RUNX2: variants seen among roughly 807,000 people sequenced by gnomAD.
RUNX2 encodes the protein RUNX family transcription factor 2.
Under a neutral mutation model 51.7 loss-of-function variants are expected in RUNX2, and 10 were observed. The observed-to-expected ratio is 0.19, with a 90% confidence interval of 0.12 to 0.33. The LOEUF (loss-of-function observed/expected upper bound fraction) is 0.33. Ranked by LOEUF, RUNX2 falls within the 10% of genes least tolerant of loss-of-function variation. The probability of loss-of-function intolerance (pLI) is 1.00; values close to 1 mark genes in which losing one functional copy is unlikely to be tolerated. For missense variants in RUNX2, 562 were observed against 691.3 expected, an observed-to-expected ratio of 0.81 and a Z score of 2.10; for synonymous variants, 276 against 273.6, an observed-to-expected ratio of 1.01 and a Z score of -0.09.
intron 2 of RUNX2, among the ~76,000 whole-genome samples, chr6:45,347,296 T>C (rs1182866987): frequency 1.3e-5 from 2 of 152,216 alleles, no homozygotes; most frequent in African/African-American, 4.8e-5. Flanking sequence ...ATTTCACTGA[T>C]ATATATATGA....
chr6:45,504,779 A>G (rs1800908752), intron 6 of RUNX2, among the ~76,000 whole-genome samples: 1 of 152,320 alleles, frequency 6.6e-6, no homozygotes, highest in Admixed American at 6.5e-5. Flanking sequence ...CCCTGGTAGC[A>G]ATTAAGAGGC....
chr6:45,445,561 T>C (rs1405776912), intron 5 of RUNX2, among the ~76,000 whole-genome samples: 2 of 152,152 alleles, frequency 1.3e-5, no homozygotes, highest in African/African-American at 4.8e-5. Context: ...AAAGCATTAG[T>C]AGAGAAGCCC....
chr6:45,366,319 A>G (rs1300780341), intron 2 of RUNX2, among the ~76,000 whole-genome samples: 1 of 152,150 alleles, frequency 6.6e-6, no homozygotes, highest in Non-Finnish European at 1.5e-5. Context: ...CTCCTTTGCT[A>G]AGACTTTGGG....
chr6:45,398,207 G>A (rs1428471167), intron 2 of RUNX2, among the ~76,000 whole-genome samples: 1 of 152,144 alleles, frequency 6.6e-6, no homozygotes, highest in Non-Finnish European at 1.5e-5. Context: ...TAGGCCCCGG[G>A]TTCCTCACCT....
At chr6:45,424,091 G>C (rs558566511) in intron 3 of RUNX2, among the ~76,000 whole-genome samples, 1 of 152,380 alleles carries the variant, frequency 6.6e-6, no homozygotes, top group East Asian at 1.9e-4. Flanking sequence ...GAGTGAGCTC[G>C]AAGGCTTGAG....
chr6:45,510,133 C>T (rs1801098175), intron 6 of RUNX2, among the ~76,000 whole-genome samples: 1 of 152,138 alleles, frequency 6.6e-6, no homozygotes, highest in African/African-American at 2.4e-5. Context: ...ATGTCAATAT[C>T]AGATATATAA....
At chr6:45,337,535 T>C (rs1788832913) in intron 2 of RUNX2, among the ~76,000 whole-genome samples, 1 of 151,850 alleles carries the variant, frequency 6.6e-6, no homozygotes, top group Admixed American at 6.6e-5. Context: ...TAAGTTCTTT[T>C]GCTACGCCAT....
At chr6:45,539,618 T>C (rs1802154355) in intron 7 of RUNX2, among the ~76,000 whole-genome samples, 1 of 152,216 alleles carries the variant, frequency 6.6e-6, no homozygotes, top group South Asian at 2.1e-4. Context: ...CCTTAGAACC[T>C]CAGTGTGGAA....
At chr6:45,544,553 A>G (rs1802330749) in intron 7 of RUNX2, among the ~76,000 whole-genome samples, 1 of 152,226 alleles carries the variant, frequency 6.6e-6, no homozygotes, top group Admixed American at 6.5e-5. Flanking sequence ...TAACATGTCT[A>G]TCTGTGTGAA....
At chr6:45,521,727 G>A (rs1158341666) in intron 7 of RUNX2, among the ~76,000 whole-genome samples, 2 of 151,842 alleles carry the variant, frequency 1.3e-5, no homozygotes, top group South Asian at 4.2e-4. Flanking sequence ...TTTTTTTGAC[G>A]CTTTCTGTAT....
At chr6:45,504,218 T>A (rs544067340) in intron 6 of RUNX2, among the ~76,000 whole-genome samples, 1 of 152,314 alleles carries the variant, frequency 6.6e-6, no homozygotes, top group South Asian at 2.1e-4. Flanking sequence ...CATTGTCAGC[T>A]ACCTTTCATA....
intron 2 of RUNX2, among the ~76,000 whole-genome samples, chr6:45,375,369 G>A (rs1028701447): frequency 6.6e-6 from 1 of 152,046 alleles, no homozygotes; most frequent in African/African-American, 2.4e-5. Context: ...AATTGTGCTG[G>A]AACAATCAGG....
intron 5 of RUNX2, among the ~76,000 whole-genome samples, chr6:45,450,389 T>C (rs892342035): frequency 6.6e-6 from 1 of 152,234 alleles, no homozygotes; most frequent in Admixed American, 6.5e-5. Context: ...ATTTCCGGCA[T>C]GGGAACATTT....
chr6:45,389,180 A>C (rs770848873), intron 2 of RUNX2, among the ~76,000 whole-genome samples: 5 of 152,282 alleles, frequency 3.3e-5, no homozygotes, highest in Non-Finnish European at 7.3e-5. Context: ...AGTCATACTT[A>C]GTTCAATAGT....
At chr6:45,397,631 A>C (rs1180128365) in intron 2 of RUNX2, among the ~76,000 whole-genome samples, 5 of 152,176 alleles carry the variant, frequency 3.3e-5, no homozygotes, top group African/African-American at 9.7e-5. Flanking sequence ...TGCCAGATTC[A>C]TGATACTTAT....
At chr6:45,520,316 G>T (rs1801466941) in intron 7 of RUNX2, among the ~76,000 whole-genome samples, 1 of 152,110 alleles carries the variant, frequency 6.6e-6, no homozygotes, top group Non-Finnish European at 1.5e-5. Flanking sequence ...ATGGTTTTCT[G>T]TATCTTGGGT....
intron 2 of RUNX2, among the ~76,000 whole-genome samples, chr6:45,404,562 T>C (rs1286860228): frequency 6.6e-6 from 1 of 152,238 alleles, no homozygotes; most frequent in Non-Finnish European, 1.5e-5. Context: ...TTGATTAACA[T>C]GTATTAATCG....
intron 5 of RUNX2, among the ~76,000 whole-genome samples, chr6:45,483,517 GCT>G (rs1800175127): frequency 6.6e-6 from 1 of 152,128 alleles, no homozygotes; most frequent in South Asian, 2.1e-4. Context: ...TCCTTAAGGG[GCT>G]CTCAGTCAAG....
At chr6:45,415,508 C>G (rs1798049665) in intron 2 of RUNX2, among the ~76,000 whole-genome samples, 1 of 152,138 alleles carries the variant, frequency 6.6e-6, no homozygotes, top group Non-Finnish European at 1.5e-5. Context: ...AGCCACACTG[C>G]TACAAACAGC....
Sources: allele counts gnomAD v4.1 joint callset (sites outside exome capture counted in the v4.1 genomes callset), GRCh38; gene constraint gnomAD v4.1.1; transcripts MANE v1.5; gene names NCBI Gene and HGNC (gene_info 2026-07-23, HGNC 2026-07-21).